DMD: variants seen among roughly 807,000 people sequenced by gnomAD.
The protein encoded by DMD is dystrophin, also known as mutant dystrophin.
A neutral mutation model predicts 330.1 loss-of-function variants in DMD; 63 were observed. The ratio of observed to expected loss-of-function variants is 0.19; its 90% confidence interval spans 0.16 to 0.24. DMD has a LOEUF of 0.24. Among genes scored for constraint, DMD ranks in the 10% least tolerant of loss-of-function variants. The probability of loss-of-function intolerance (pLI) is 1.00; values close to 1 mark genes in which losing one functional copy is unlikely to be tolerated. For missense variants in DMD, 3,344 were observed against 2,684.1 expected, an observed-to-expected ratio of 1.25 and a Z score of -5.43; for synonymous variants, 1,223 against 959.8, an observed-to-expected ratio of 1.27 and a Z score of -5.07.
In DMD at chrX:32,390,054, T is replaced by A. The variant is rs72468646; in HGVS notation, c.4344+17A>T. ...CCCAACGAAAACACGTTCCTTAGTT[T>A]CTGAAATAACATATACCTGTGCAAC... On this transcript the variant is annotated intron_variant, in intron 31 of 78. Transcript: ENST00000357033. 2.8e-3 allele frequency: 3,329 copies of A among 1,168,856 alleles called. 63 individuals are homozygous for A. The African/African-American group carries it at 0.047, about 17-fold the overall frequency.
intron 38 of DMD, 137 bp from the exon 39 acceptor site, chrX:32,346,217 A>G (rs542622638): frequency 1.5e-6 from 1 of 681,130 alleles, no homozygotes. Context: ...ATTATAAGAT[A>G]CTGTGCTCAT....
chrX:31,365,855 T>TGGGGTCTAAACCAATTAAATCCTTGTC (rs2148615527), intron 60 of DMD, among the ~76,000 whole-genome samples: 1 of 112,747 alleles, frequency 8.9e-6, no homozygotes, highest in Non-Finnish European at 1.9e-5. Context: ...CGTAGGTGAA[T>TGGGGTCTAAACCAATTAAATCCTTGTC]GGGGTCTAAA....
At chrX:31,913,232 T>G (rs981879229) in intron 47 of DMD, among the ~76,000 whole-genome samples, 5 of 111,991 alleles carry the variant, frequency 4.5e-5, no homozygotes, top group Admixed American at 2.8e-4. Flanking sequence ...TTTAGAGTGG[T>G]TTGTTGCATA....
intron 7 of DMD, among the ~76,000 whole-genome samples, chrX:32,784,817 AT>A (rs1189201692): frequency 8.9e-6 from 1 of 111,736 alleles, no homozygotes; most frequent in Non-Finnish European, 1.9e-5. Context: ...ACTTTAAAAA[AT>A]ATTCTCTGAA....
chrX:31,992,232 T>G (rs2095556003), intron 44 of DMD, among the ~76,000 whole-genome samples: 1 of 112,121 alleles, frequency 8.9e-6, no homozygotes, highest in Non-Finnish European at 1.9e-5. Context: ...TATGTTGGAA[T>G]GACTTACGGT....
At chrX:32,706,046 A>C (rs2064602812) in intron 7 of DMD, among the ~76,000 whole-genome samples, 1 of 108,844 alleles carries the variant, frequency 9.2e-6, no homozygotes, top group Admixed American at 9.9e-5. Flanking sequence ...CTATGCAGTC[A>C]TAAAAAAGGA....
At chrX:31,419,932 C>A (rs748566199) in intron 60 of DMD, among the ~76,000 whole-genome samples, 1 of 111,854 alleles carries the variant, frequency 8.9e-6, no homozygotes, top group East Asian at 2.8e-4. Flanking sequence ...TCTACCTTTT[C>A]TCATTATTTT....
chrX:32,999,435 A>G (rs1361716142), intron 2 of DMD, among the ~76,000 whole-genome samples: 1 of 111,899 alleles, frequency 8.9e-6, no homozygotes, highest in Non-Finnish European at 1.9e-5. Context: ...TAAGTTGGCA[A>G]TGAATGTACT....
chrX:31,573,757 C>T (rs750892687), intron 55 of DMD, among the ~76,000 whole-genome samples: 5 of 111,185 alleles, frequency 4.5e-5, no homozygotes, highest in Non-Finnish European at 7.5e-5. Context: ...AATTATAATG[C>T]ACCACCAGAA....
At chrX:32,277,070 A>C (rs768172571) in intron 43 of DMD, among the ~76,000 whole-genome samples, 1 of 111,097 alleles carries the variant, frequency 9.0e-6, no homozygotes, top group South Asian at 3.8e-4. Flanking sequence ...CTACACACAG[A>C]CTGGAAATAA....
intron 47 of DMD, among the ~76,000 whole-genome samples, chrX:31,885,630 AAAAAAAAG>A (rs2094143478): frequency 1.1e-5 from 1 of 87,029 alleles, no homozygotes; most frequent in Non-Finnish European, 2.3e-5. Flanking sequence ...AAAAAAAAAA[AAAAAAAAG>A]AAAAAAAAAG....
chrX:31,879,965 C>T (rs527566720), intron 47 of DMD, among the ~76,000 whole-genome samples: 1 of 111,840 alleles, frequency 8.9e-6, no homozygotes, highest in African/African-American at 3.2e-5. Context: ...ATAACATGTT[C>T]CCTGTGGTGA....
chrX:32,631,821 C>A (rs765764661), intron 11 of DMD, among the ~76,000 whole-genome samples: 1 of 111,314 alleles, frequency 9.0e-6, no homozygotes, highest in African/African-American at 3.3e-5. Flanking sequence ...CGGCTCCCAC[C>A]CAGGCCCCAC....
intron 2 of DMD, among the ~76,000 whole-genome samples, chrX:32,860,544 C>A (rs781140403): frequency 9.1e-6 from 1 of 110,359 alleles, no homozygotes; most frequent in African/African-American, 3.3e-5. Flanking sequence ...AATAAGGCAA[C>A]CCATTTTCAT....
At chrX:32,927,536 C>T (rs1257830999) in intron 2 of DMD, among the ~76,000 whole-genome samples, 2 of 109,439 alleles carry the variant, frequency 1.8e-5, no homozygotes, top group Non-Finnish European at 3.8e-5. Flanking sequence ...CTGCCTCGGA[C>T]GCCCGGCCGC....
intron 62 of DMD, among the ~76,000 whole-genome samples, chrX:31,296,145 T>C (rs893568698): frequency 2.7e-5 from 3 of 111,320 alleles, no homozygotes; most frequent in Admixed American, 1.9e-4. Flanking sequence ...CATGAAAAGA[T>C]AGGAAATCTC....
chrX:32,461,369 T>C, intron 25 of DMD, among the ~76,000 whole-genome samples: 1 of 111,392 alleles, frequency 9.0e-6, no homozygotes, highest in Non-Finnish European at 1.9e-5. Context: ...CTAACTCATT[T>C]GGCTACAAAG....
intron 43 of DMD, among the ~76,000 whole-genome samples, chrX:32,236,291 C>A (rs752198724): frequency 1.4e-3 from 156 of 112,211 alleles, no homozygotes; most frequent in South Asian, 4.4e-3. Context: ...AACTGGAATG[C>A]TGTTTGGTAG....
intron 49 of DMD, among the ~76,000 whole-genome samples, chrX:31,826,699 C>A (rs761799399): frequency 8.9e-6 from 1 of 112,286 alleles, no homozygotes; most frequent in African/African-American, 3.2e-5. Flanking sequence ...CATCTATAAG[C>A]AAATTTAAGG....
Sources: allele counts gnomAD v4.1 joint callset (sites outside exome capture counted in the v4.1 genomes callset), GRCh38; gene constraint gnomAD v4.1.1; transcripts MANE v1.5; gene names NCBI Gene and HGNC (gene_info 2026-07-23, HGNC 2026-07-21).